Variants in INSYN2A observed in about 807,000 individuals in gnomAD.
The protein encoded by INSYN2A is family with sequence similarity 196 member A.
INSYN2A carries 17 observed loss-of-function variants against 39.4 expected under a neutral mutation model. That is an observed-to-expected ratio of 0.43 (90% CI 0.30 to 0.65). The LOEUF (loss-of-function observed/expected upper bound fraction) is 0.65, where lower values mean the gene tolerates loss of function less well. Ranked by LOEUF, INSYN2A falls within the 30% of genes least tolerant of loss-of-function variation. The probability of loss-of-function intolerance (pLI) is 0.14; values close to 1 mark genes in which losing one functional copy is unlikely to be tolerated. For synonymous variants in INSYN2A, 255 were observed against 265.7 expected, an observed-to-expected ratio of 0.96 and a Z score of 0.39; for missense variants, 595 against 631.2, an observed-to-expected ratio of 0.94 and a Z score of 0.61.
At position 127,135,626 on chromosome 10, in the gene INSYN2A, T is replaced by A. The variant is rs2050625022; in HGVS notation, c.*2211A>T. ...TGTTAGTGACGTGTTGCAATTAAAC[T>A]ATGAAATGATTTTGACAATAGTTTT... On this transcript the variant is annotated 3_prime_UTR_variant, in exon 6 of 6. Coordinates refer to ENST00000522781, the MANE Select transcript of INSYN2A (RefSeq NM_001039762.3). The A allele has an allele frequency of 6.5e-6, 1 of 152,698 alleles. No homozygotes were observed. Among genetic ancestry groups the A allele is most frequent in the African/African-American group, 2.4e-5 (1 of 41,480 alleles). 9.5% of individuals were successfully genotyped at this position (152,698 alleles called of 1,614,324 possible). A position where few individuals can be genotyped will look rare whatever the true frequency, so the allele number is the denominator to read the frequency against.
At position 127,196,251 on chromosome 10, in the gene INSYN2A, G is replaced by A. The variant is rs1488179031; in HGVS notation, c.-649C>T. ...CCCCGCGCCGCAGCTCGCGTCGCTCGCGTCCCTCCGGCCCCGCTTAGCGAC... is the reference window on the plus strand; with the variant it reads ...CCCCGCGCCGCAGCTCGCGTCGCTCACGTCCCTCCGGCCCCGCTTAGCGAC... On this transcript the variant is annotated 5_prime_UTR_variant, in exon 1 of 6. Coordinates refer to ENST00000522781, the MANE Select transcript of INSYN2A (RefSeq NM_001039762.3). The A allele has an allele frequency of 6.7e-6, 1 of 148,862 alleles. No homozygotes were observed. The highest frequency in any genetic ancestry group is 1.5e-5 in the Non-Finnish European group (1 of 67,010). The allele number at this position is 148,862 out of a possible 1,614,324, so 9.2% of individuals were successfully genotyped here. A position where few individuals can be genotyped will look rare whatever the true frequency, so the allele number is the denominator to read the frequency against.
chr10:127,143,434 A>T (rs540391448), intron 5 of INSYN2A, among the ~76,000 whole-genome samples: 1 of 152,286 alleles, frequency 6.6e-6, no homozygotes, highest in African/African-American at 2.4e-5. Flanking sequence ...CTGTGGATAA[A>T]TCACCTCACC....
intron 2 of INSYN2A, among the ~76,000 whole-genome samples, chr10:127,189,349 C>T (rs1174653658): frequency 1.3e-5 from 2 of 152,176 alleles, no homozygotes; most frequent in African/African-American, 2.4e-5. Flanking sequence ...CAGTAGTTGA[C>T]CTGCCCAGTG....
chr10:127,171,517 T>C (rs1036197512), intron 4 of INSYN2A, among the ~76,000 whole-genome samples: 1 of 152,100 alleles, frequency 6.6e-6, no homozygotes, highest in Admixed American at 6.5e-5. Flanking sequence ...GTATTCAAAC[T>C]CATGGGCTCC....
intron 2 of INSYN2A, among the ~76,000 whole-genome samples, chr10:127,177,799 G>C (rs2055318106): frequency 6.6e-6 from 1 of 152,248 alleles, no homozygotes; most frequent in Admixed American, 6.5e-5. Flanking sequence ...AGTGCCAGAT[G>C]CTCTGCTCGT....
At chr10:127,165,595 G>A (rs75696776) in intron 4 of INSYN2A, among the ~76,000 whole-genome samples, 2,856 of 152,080 alleles carry the variant, frequency 0.019, 79 homozygotes, top group African/African-American at 0.061. Context: ...ATATTGCATT[G>A]CAAACAATGC....
rs1245972430 is a variant in INSYN2A, at chr10:127,179,056, G to A, written c.-268-1917C>T. Among the ~76,000 whole-genome samples, 3 of 152,200 alleles carry A rather than the reference G, an allele frequency of 2.0e-5. No homozygotes were observed. The East Asian group carries it at 5.8e-4, about 29-fold the overall frequency. ...CCTTCATACTAGGGAAAATTTGAAA[G>A]AGAGAGCATTTTTACAAAAAGCAAT... On this transcript the variant is annotated intron_variant, in intron 2 of 5. Coordinates refer to ENST00000522781, the MANE Select transcript of INSYN2A (RefSeq NM_001039762.3).
At chr10:127,165,141 G>A (rs570504166) in intron 4 of INSYN2A, among the ~76,000 whole-genome samples, 2 of 152,278 alleles carry the variant, frequency 1.3e-5, no homozygotes, top group South Asian at 4.1e-4. Context: ...ACAGAGGTTC[G>A]AATTTGAAAG....
intron 2 of INSYN2A, among the ~76,000 whole-genome samples, chr10:127,188,034 T>C (rs1003458741): frequency 7.2e-5 from 11 of 152,326 alleles, no homozygotes; most frequent in South Asian, 2.1e-4. Context: ...CCCAGAAATA[T>C]TGACTGAACG....
At position 127,137,609 on chromosome 10, in the gene INSYN2A, C is replaced by T. The variant is rs933729330; in HGVS notation, c.*228G>A. On this transcript the variant is annotated 3_prime_UTR_variant, in exon 6 of 6. Coordinates refer to ENST00000522781, the MANE Select transcript of INSYN2A (RefSeq NM_001039762.3). ...TACGTAAGTTTCATTTCAGATTTTA[C>T]ATCCCACATCAGTGAACTGCAAAGA... The T allele has an allele frequency of 7.0e-6, 3 of 429,440 alleles. No homozygotes were observed. The highest frequency in any genetic ancestry group is 3.5e-5 in the East Asian group (1 of 28,772). 26.6% of individuals were successfully genotyped at this position (429,440 alleles called of 1,614,324 possible).
In INSYN2A at chr10:127,137,792, C is replaced by T. The variant is rs1423319717; in HGVS notation, c.*45G>A. ...TTTGGAAAAGTATTGACTTAAACTC[C>T]AGTGGGTTCTAAAGACGGCCTCGAG... On this transcript the variant is annotated 3_prime_UTR_variant, in exon 6 of 6. Coordinates refer to ENST00000522781, the MANE Select transcript of INSYN2A (RefSeq NM_001039762.3). The T allele has an allele frequency of 1.9e-6, 3 of 1,547,232 alleles. No homozygotes were observed. Among genetic ancestry groups the T allele is most frequent in the South Asian group, 1.2e-5 (1 of 83,680 alleles).
intron 1 of INSYN2A, among the ~76,000 whole-genome samples, chr10:127,194,356 A>G (rs1231412860): frequency 1.3e-5 from 2 of 152,250 alleles, no homozygotes; most frequent in Admixed American, 6.5e-5. Flanking sequence ...TGCAGATGGC[A>G]GGACTTCCAT....
intron 2 of INSYN2A, among the ~76,000 whole-genome samples, chr10:127,185,961 A>T (rs190037843): frequency 9.4e-4 from 143 of 152,294 alleles, no homozygotes; most frequent in African/African-American, 3.2e-3. Flanking sequence ...ATATTACTCA[A>T]CTTTCTTCTT....
chr10:127,164,837 C>T (rs1332671108), intron 4 of INSYN2A, among the ~76,000 whole-genome samples: 3 of 152,108 alleles, frequency 2.0e-5, no homozygotes, highest in African/African-American at 7.2e-5. Flanking sequence ...TTCATGCAGT[C>T]AGGGAAATAC....
chr10:127,190,867 T>C (rs2056703798), intron 2 of INSYN2A, among the ~76,000 whole-genome samples: 1 of 151,890 alleles, frequency 6.6e-6, no homozygotes, highest in Non-Finnish European at 1.5e-5. Context: ...CACATTCTCA[T>C]CTGTGACACC....
chr10:127,150,395 C>T (rs2052375647), intron 5 of INSYN2A, among the ~76,000 whole-genome samples: 1 of 152,026 alleles, frequency 6.6e-6, no homozygotes, highest in Non-Finnish European at 1.5e-5. Context: ...GTATCAGCAA[C>T]TCTCAGCCAC....
chr10:127,158,037 C>G (rs1256715291), intron 4 of INSYN2A, among the ~76,000 whole-genome samples: 1 of 152,140 alleles, frequency 6.6e-6, no homozygotes, highest in African/African-American at 2.4e-5. Flanking sequence ...ATCTAATTGT[C>G]CTTGAAGCTT....
In INSYN2A at chr10:127,175,352, T is replaced by C; in HGVS notation, c.1044A>G (p.Arg348=). The part of the protein sequence containing the change: ...TAVAAGEECQ[R]IVPHTEVVDL... ...CGACCACTTCCGTATGAGGCACGAT[T>C]CGTTGGCATTCTTCACCTGCAGCAA... The change falls in exon 4 of 6, where the codon CGA becomes CGG. Residue 348 remains arginine (R), a synonymous_variant. Coordinates refer to ENST00000522781, the MANE Select transcript of INSYN2A (RefSeq NM_001039762.3). The surrounding 1 kb of genome is among the most constrained non-coding windows in gnomAD (Gnocchi z 6.3). 1 of 1,614,136 alleles carries C rather than the reference T, an allele frequency of 6.2e-7. No homozygotes were observed. The highest frequency in any genetic ancestry group is 2.2e-5 in the East Asian group (1 of 44,868).
chr10:127,183,036 T>C (rs952180055), intron 2 of INSYN2A, among the ~76,000 whole-genome samples: 3 of 149,792 alleles, frequency 2.0e-5, no homozygotes, highest in African/African-American at 7.3e-5. Flanking sequence ...TAGAATGTAC[T>C]TGGGGAGTGC....
Sources: allele counts gnomAD v4.1 joint callset (sites outside exome capture counted in the v4.1 genomes callset), GRCh38; gene constraint gnomAD v4.1.1; non-coding constraint Gnocchi (gnomAD v3.1); transcripts MANE v1.5; gene names NCBI Gene and HGNC (gene_info 2026-07-23, HGNC 2026-07-21).